RAB37: variants seen among roughly 807,000 people sequenced by gnomAD.
RAB37 encodes the protein ras-related protein Rab-37.
A neutral mutation model predicts 33.1 loss-of-function variants in RAB37; 29 were observed. The observed-to-expected ratio is 0.88, with a 90% CI of 0.65 to 1.20. The LOEUF is 1.20. Among genes scored for constraint, RAB37 ranks in the 50% most tolerant of loss-of-function variants. The pLI, the probability that RAB37 is intolerant of heterozygous loss-of-function variation, is 0.00. For missense variants in RAB37, 299 were observed against 301.1 expected, an observed-to-expected ratio of 0.99 and a Z score of 0.05; for synonymous variants, 128 against 119.5, an observed-to-expected ratio of 1.07 and a Z score of -0.47.
chr17:74,688,899 G>A (rs1261688268), intron 1 of RAB37, among the ~76,000 whole-genome samples: 3 of 152,306 alleles, frequency 2.0e-5, no homozygotes, highest in Non-Finnish European at 4.4e-5. Flanking sequence ...GAAAGGCAAT[G>A]GGCCCCACTT....
At position 74,700,120 on chromosome 17, in the gene RAB37, C is replaced by T. The variant is rs542029046; in HGVS notation, c.72+28462C>T. 4.7e-5 allele frequency among the ~76,000 whole-genome samples: 7 copies of T among 150,348 alleles called. No individual in the cohort carries two copies. In the East Asian group the frequency reaches 7.8e-4, roughly 17 times the overall value. On this transcript the variant is annotated intron_variant, in intron 1 of 7. Coordinates refer to the RAB37 transcript ENST00000340415. ...TCGCGCCACTGCACTCCAGCCTGGT[C>T]GACAGAGCAAGACCCTGTCTCAATA... is the stretch of plus-strand genomic sequence containing the variant.
intron 1 of RAB37, among the ~76,000 whole-genome samples, chr17:74,678,335 C>T (rs1208797333): frequency 6.6e-6 from 1 of 152,112 alleles, no homozygotes; most frequent in Non-Finnish European, 1.5e-5. Flanking sequence ...TGACACCAGG[C>T]CTCACCCTGC....
At chr17:74,710,886 C>T (rs548835066) in intron 1 of RAB37, among the ~76,000 whole-genome samples, 2 of 151,202 alleles carry the variant, frequency 1.3e-5, no homozygotes, top group Admixed American at 1.3e-4. Context: ...AACAAAAAAT[C>T]TGTTCTTGCC....
rs2034725889 is a variant in RAB37 at position 74,745,140 on chromosome 17, T to C, written c.566+56T>C. The C allele has an allele frequency of 8.2e-6, 13 of 1,594,078 alleles. No homozygotes were observed. In the East Asian group the frequency reaches 2.9e-4, roughly 36 times the overall value. On this transcript the variant is annotated intron_variant, in intron 8 of 8. Transcript: ENST00000392613. This position sits in a 1 kb window ranked among gnomAD's most constrained non-coding sequence, Gnocchi z 4.5. ...GGGGCAGGGCGGCACACTCCAGGAATCCAGTAGGGCCCGGCCCCTGGCCCA... is the reference window on the plus strand; with the variant it reads ...GGGGCAGGGCGGCACACTCCAGGAACCCAGTAGGGCCCGGCCCCTGGCCCA...
chr17:74,702,500 C>T (rs2033146330), intron 1 of RAB37, among the ~76,000 whole-genome samples: 1 of 152,140 alleles, frequency 6.6e-6, no homozygotes, highest in African/African-American at 2.4e-5. Context: ...CTGTCAGTTG[C>T]TCTAGAGATG....
chr17:74,682,982 C>T (rs769325398), intron 1 of RAB37, among the ~76,000 whole-genome samples: 10 of 152,162 alleles, frequency 6.6e-5, no homozygotes, highest in Non-Finnish European at 1.0e-4. Context: ...GCAAAAACAA[C>T]AGATGTCCCA....
intron 1 of RAB37, among the ~76,000 whole-genome samples, chr17:74,693,936 A>C (rs1047314643): frequency 6.6e-6 from 1 of 152,154 alleles, no homozygotes; most frequent in Non-Finnish European, 1.5e-5. Flanking sequence ...CTCAAAAAAA[A>C]AAAAGATAGT....
At chr17:74,701,270 T>C (rs2033028067) in intron 1 of RAB37, among the ~76,000 whole-genome samples, 4 of 152,238 alleles carry the variant, frequency 2.6e-5, no homozygotes, top group Admixed American at 2.0e-4. Flanking sequence ...TAATTAGCTC[T>C]AGATTGTAAG....
At chr17:74,709,648 C>T (rs1358695698) in intron 1 of RAB37, among the ~76,000 whole-genome samples, 1 of 151,992 alleles carries the variant, frequency 6.6e-6, no homozygotes, top group Non-Finnish European at 1.5e-5. Context: ...GTCACTGCAG[C>T]CTCAAGTCCT....
Position 74,671,491 on chromosome 17 carries a change from C to T in RAB37, c.-96C>T, listed in dbSNP as rs1363886161. ...TGCGGCCCGGCCCGCAGAGCTCAGA[C>T]CCAAGCCTGCCGCACCCAGCGGAGC... is the stretch of plus-strand genomic sequence containing the variant. On this transcript the variant is annotated 5_prime_UTR_variant, in exon 1 of 8. Coordinates refer to the RAB37 transcript ENST00000340415. The surrounding 1 kb of genome is among the most constrained non-coding windows in gnomAD (Gnocchi z 5.0). 1 of 1,210,254 alleles carries T rather than the reference C, an allele frequency of 8.3e-7. No individual in the cohort carries two copies. The highest frequency in any genetic ancestry group is 1.2e-6 in the Non-Finnish European group (1 of 828,924). The allele number at this position is 1,210,254 out of a possible 1,614,324, so 75.0% of individuals were successfully genotyped here.
chr17:74,733,233 A>G (rs948239170), upstream of RAB37, among the ~76,000 whole-genome samples: 1 of 152,012 alleles, frequency 6.6e-6, no homozygotes, highest in Non-Finnish European at 1.5e-5. Context: ...TGTATGTGGT[A>G]TGATGGTAGG....
intron 1 of RAB37, chr17:74,703,192 A>G (rs1275087419): frequency 6.7e-7 from 1 of 1,495,900 alleles, no homozygotes; most frequent in South Asian, 1.1e-5. Context: ...GCCCCTGCCC[A>G]TGAGCCCACC....
upstream of RAB37, among the ~76,000 whole-genome samples, chr17:74,733,974 T>G (rs1043403755): frequency 6.6e-6 from 1 of 152,132 alleles, no homozygotes. Context: ...TCCAGACTAG[T>G]GCAGCAACGC....
intron 1 of RAB37, among the ~76,000 whole-genome samples, chr17:74,713,713 G>A (rs559605411): frequency 1.3e-5 from 2 of 152,050 alleles, no homozygotes; most frequent in African/African-American, 4.8e-5. Context: ...GAAAGCCAGA[G>A]GAGAGATTCC....
intron 1 of RAB37, among the ~76,000 whole-genome samples, chr17:74,673,277 C>T (rs1438522620): frequency 6.6e-6 from 1 of 151,594 alleles, no homozygotes; most frequent in East Asian, 1.9e-4. Flanking sequence ...GTGGTGTGCG[C>T]CTGTGATCCC....
intron 1 of RAB37, among the ~76,000 whole-genome samples, chr17:74,674,420 T>C (rs1270005207): frequency 6.7e-6 from 1 of 148,174 alleles, no homozygotes; most frequent in Non-Finnish European, 1.5e-5. Context: ...TATTGACACA[T>C]AACAAACACC....
chr17:74,693,482 G>A (rs1025345468), intron 1 of RAB37, among the ~76,000 whole-genome samples: 1 of 152,116 alleles, frequency 6.6e-6, no homozygotes, highest in African/African-American at 2.4e-5. Flanking sequence ...GGACGAGAAT[G>A]GACTCCATGG....
chr17:74,713,099 G>A (rs904132174), intron 1 of RAB37: 4 of 508,448 alleles, frequency 7.9e-6, no homozygotes, highest in Non-Finnish European at 1.4e-5. Context: ...GAGATCAGGA[G>A]TTCAAGATCA....
At chr17:74,728,510 G>T (rs1045291985) in intron 1 of RAB37, among the ~76,000 whole-genome samples, 1 of 151,960 alleles carries the variant, frequency 6.6e-6, no homozygotes, top group Non-Finnish European at 1.5e-5. Context: ...GTGTCTGTGT[G>T]TGCATGTGTG....
Sources: allele counts gnomAD v4.1 joint callset (sites outside exome capture counted in the v4.1 genomes callset), GRCh38; gene constraint gnomAD v4.1.1; non-coding constraint Gnocchi (gnomAD v3.1); transcripts MANE v1.5; gene names NCBI Gene and HGNC (gene_info 2026-07-23, HGNC 2026-07-21).